ACSBG1: variants seen among roughly 807,000 people sequenced by gnomAD.
The protein encoded by ACSBG1 is acyl-CoA synthetase bubblegum family member 1.
A neutral mutation model predicts 80.2 loss-of-function variants in ACSBG1; 39 were observed. That is an observed-to-expected ratio of 0.49 (90% CI 0.38 to 0.64). ACSBG1 has a LOEUF of 0.64. ACSBG1 is among the 30% of genes least tolerant of loss of function. The probability of loss-of-function intolerance (pLI) is 0.00; values close to 1 mark genes in which losing one functional copy is unlikely to be tolerated. For synonymous variants in ACSBG1, 392 were observed against 379.5 expected, an observed-to-expected ratio of 1.03 and a Z score of -0.38; for missense variants, 828 against 966.4, an observed-to-expected ratio of 0.86 and a Z score of 1.90.
chr15:78,190,320 T>C (rs938933150), intron 5 of ACSBG1, among the ~76,000 whole-genome samples: 3 of 151,856 alleles, frequency 2.0e-5, no homozygotes, highest in Non-Finnish European at 4.4e-5. Flanking sequence ...AACATTGTTA[T>C]TACTCTTGAT....
chr15:78,196,170 C>T (rs2075112491), intron 2 of ACSBG1, among the ~76,000 whole-genome samples: 1 of 152,224 alleles, frequency 6.6e-6, no homozygotes, highest in South Asian at 2.1e-4. Flanking sequence ...ATGCCCATGC[C>T]ACTGGCCATG....
intron 1 of ACSBG1, chr15:78,226,628 T>A (rs139441631): frequency 8.6e-5 from 19 of 219,670 alleles, no homozygotes; most frequent in African/African-American, 2.6e-4. Flanking sequence ...AAAAAACTTT[T>A]AAAAAGCTAT....
chr15:78,219,952 C>T (rs1481517955), intron 1 of ACSBG1, among the ~76,000 whole-genome samples: 1 of 152,148 alleles, frequency 6.6e-6, no homozygotes, highest in Non-Finnish European at 1.5e-5. Flanking sequence ...CACTGCACTC[C>T]AGAATCTGGG....
rs1161417644 is a variant in ACSBG1, at chr15:78,169,896, G to C, written c.*1548C>G. The C allele has an allele frequency of 6.6e-6, 1 of 152,234 alleles. No homozygotes were observed. The highest frequency in any genetic ancestry group is 1.5e-5 in the Non-Finnish European group (1 of 68,034). 9.4% of individuals were successfully genotyped at this position (152,234 alleles called of 1,614,324 possible). A position where few individuals can be genotyped will look rare whatever the true frequency, so the allele number is the denominator to read the frequency against. ...GGAATGGACCACACTACAGCAGGTA[G>C]TTCTGGGGGCGATACTGCCGAAAGG... On this transcript the variant is annotated 3_prime_UTR_variant, in exon 14 of 14. Transcript: ENST00000258873.
chr15:78,203,563 C>G (rs139453179), intron 2 of ACSBG1, among the ~76,000 whole-genome samples: 46 of 152,326 alleles, frequency 3.0e-4, no homozygotes, highest in African/African-American at 1.1e-3. Flanking sequence ...TTGGCCTGAC[C>G]CTGGCTTGTA....
At position 78,170,638 on chromosome 15, in the gene ACSBG1, G is replaced by A. The variant is rs184613469; in HGVS notation, c.*806C>T. ...ATGGCTGCTTCCCGTATTCAGAATG[G>A]AAGTGGGGTGGTCTGGTGGCGACAG... On this transcript the variant is annotated 3_prime_UTR_variant, in exon 14 of 14. Transcript: ENST00000258873. 4 of 152,372 alleles carry A rather than the reference G, an allele frequency of 2.6e-5. No individual in the cohort carries two copies. Among genetic ancestry groups the A allele is most frequent in the Admixed American group, 6.5e-5 (1 of 15,280 alleles). The allele number at this position is 152,372 out of a possible 1,614,324, so 9.4% of individuals were successfully genotyped here.
intron 1 of ACSBG1, among the ~76,000 whole-genome samples, chr15:78,222,345 T>G (rs2141385069): frequency 6.6e-6 from 1 of 152,284 alleles, no homozygotes; most frequent in South Asian, 2.1e-4. Context: ...GGGTTCCTTT[T>G]TAAGATAATG....
At chr15:78,209,649 T>C (rs1422618768) in intron 1 of ACSBG1, among the ~76,000 whole-genome samples, 4 of 152,150 alleles carry the variant, frequency 2.6e-5, no homozygotes, top group Non-Finnish European at 5.9e-5. Context: ...GAGGGACACG[T>C]ACACTGCTAG....
At chr15:78,214,706 G>C (rs1288159354) in intron 1 of ACSBG1, among the ~76,000 whole-genome samples, 1 of 152,146 alleles carries the variant, frequency 6.6e-6, no homozygotes, top group East Asian at 1.9e-4. Flanking sequence ...TTCCCAAAGT[G>C]CTGGGATTAT....
At chr15:78,230,091 C>T (rs1170472879) in intron 1 of ACSBG1, among the ~76,000 whole-genome samples, 1 of 152,228 alleles carries the variant, frequency 6.6e-6, no homozygotes, top group African/African-American at 2.4e-5. Context: ...ACCGGTGTCT[C>T]CACTGGACAG....
intron 13 of ACSBG1, among the ~76,000 whole-genome samples, chr15:78,173,276 T>G (rs2074844746): frequency 7.6e-6 from 1 of 131,354 alleles, no homozygotes; most frequent in Non-Finnish European, 1.5e-5. Flanking sequence ...ACCCGCGAGG[T>G]GCAGGTTGCA....
intron 2 of ACSBG1, among the ~76,000 whole-genome samples, chr15:78,203,420 A>G (rs1033108309): frequency 6.6e-6 from 1 of 152,254 alleles, no homozygotes; most frequent in Non-Finnish European, 1.5e-5. Flanking sequence ...CTGCCAATGC[A>G]GCACCACCAG....
chr15:78,212,523 G>A (rs1177220329), intron 1 of ACSBG1: 1 of 455,272 alleles, frequency 2.2e-6, no homozygotes, highest in South Asian at 1.6e-5. Flanking sequence ...CAGGAGGCGG[G>A]GGAAGGTGGG....
chr15:78,208,995 C>T (rs2075243822), intron 1 of ACSBG1: 1 of 371,966 alleles, frequency 2.7e-6, no homozygotes, highest in Admixed American at 3.4e-5. Flanking sequence ...ACTACGTAAA[C>T]AGAATCCACT....
chr15:78,198,393 C>G lies in ACSBG1; in HGVS notation c.233-3667G>C, dbSNP rs147339342. 7.8e-3 allele frequency among the ~76,000 whole-genome samples: 1,173 copies of G among 151,210 alleles called. 29 individuals are homozygous for G. The highest frequency in any genetic ancestry group is 0.051 in the East Asian group (261 of 5,114). On this transcript the variant is annotated intron_variant, in intron 2 of 13. Coordinates refer to ENST00000258873, the MANE Select transcript of ACSBG1 (RefSeq NM_015162.5). ...ACAAAGTCTCACTCTGTCGCCCAGG[C>G]TGGAATGCAGTGGCACGATCTTGGC...
Position 78,217,923 on chromosome 15 carries a change from A to G in ACSBG1, c.132-9821T>C, listed in dbSNP as rs117363670. Among the ~76,000 whole-genome samples, 794 of 152,210 alleles carry G rather than the reference A, an allele frequency of 5.2e-3. 6 individuals are homozygous for G. Among genetic ancestry groups the G allele is most frequent in the Middle Eastern group, 0.014 (4 of 294 alleles). ...ATTAAATCGTAATCCAGGTGTTTTC[A>G]TATGTTGTATTGATGACAGACACAG... On this transcript the variant is annotated intron_variant, in intron 1 of 13. Coordinates refer to ENST00000258873, the MANE Select transcript of ACSBG1 (RefSeq NM_015162.5).
intron 1 of ACSBG1, among the ~76,000 whole-genome samples, chr15:78,221,381 G>C (rs1483929689): frequency 6.6e-6 from 1 of 152,140 alleles, no homozygotes; most frequent in Non-Finnish European, 1.5e-5. Context: ...AGACGTGCAC[G>C]TAGGCTAGAT....
chr15:78,211,619 A>C (rs994436719), intron 1 of ACSBG1, among the ~76,000 whole-genome samples: 1 of 152,250 alleles, frequency 6.6e-6, no homozygotes, highest in Non-Finnish European at 1.5e-5. Context: ...CATGGGAACA[A>C]GAAAACAAAG....
Position 78,231,152 on chromosome 15 carries a change from T to C in ACSBG1, c.131+3219A>G, listed in dbSNP as rs962187338. 1.6e-4 allele frequency among the ~76,000 whole-genome samples: 24 copies of C among 152,198 alleles called. No homozygotes were observed. The South Asian group carries it at 2.1e-3, about 13-fold the overall frequency. On this transcript the variant is annotated intron_variant, in intron 1 of 13. Coordinates refer to ENST00000258873, the MANE Select transcript of ACSBG1 (RefSeq NM_015162.5). Reference sequence around the variant, plus strand: ...TTTCTTTTTTTGAGACGGAGTTTTATTCTTGTTGCCCAGGCTGGAGTGCAA... The same window carrying C: ...TTTCTTTTTTTGAGACGGAGTTTTACTCTTGTTGCCCAGGCTGGAGTGCAA...
Sources: allele counts gnomAD v4.1 joint callset (sites outside exome capture counted in the v4.1 genomes callset), GRCh38; gene constraint gnomAD v4.1.1; transcripts MANE v1.5; gene names NCBI Gene and HGNC (gene_info 2026-07-23, HGNC 2026-07-21).